HDAC9: variants seen among roughly 807,000 people sequenced by gnomAD.
HDAC9 encodes the protein histone deacetylase 9.
HDAC9 carries 41 observed loss-of-function variants against 139.4 expected under a neutral mutation model. That is an observed-to-expected ratio of 0.29 (90% confidence interval 0.23 to 0.38). The LOEUF is 0.38. Among genes scored for constraint, HDAC9 ranks in the 10% least tolerant of loss-of-function variants. The probability of loss-of-function intolerance (pLI) is 1.00; values close to 1 mark genes in which losing one functional copy is unlikely to be tolerated. For missense variants in HDAC9, 1,147 were observed against 1,297.0 expected, an observed-to-expected ratio of 0.88 and a Z score of 1.78; for synonymous variants, 517 against 476.2, an observed-to-expected ratio of 1.09 and a Z score of -1.12.
intron 2 of HDAC9, among the ~76,000 whole-genome samples, chr7:18,214,858 A>G (rs1792187287): frequency 6.6e-6 from 1 of 152,132 alleles, no homozygotes; most frequent in Non-Finnish European, 1.5e-5. Context: ...GGTTCTGTCC[A>G]CTCAAAGCAA....
chr7:18,915,825 G>T (rs7801662), intron 22 of HDAC9, among the ~76,000 whole-genome samples: 55,358 of 151,306 alleles, frequency 0.37, 10,499 homozygotes, highest in Non-Finnish European at 0.38. Context: ...TCTATTTATG[G>T]TTTTTTTGTT....
intron 21 of HDAC9, among the ~76,000 whole-genome samples, chr7:18,865,859 TATG>T (rs1318470702): frequency 6.6e-6 from 1 of 151,920 alleles, no homozygotes; most frequent in South Asian, 2.1e-4. Context: ...AATTTTATAA[TATG>T]ATGCTTTCAT....
At position 18,152,094 on chromosome 7, in the gene HDAC9, T is replaced by C. The variant is rs550287761; in HGVS notation, c.-96-10135T>C. Among the ~76,000 whole-genome samples the C allele has an allele frequency of 1.5e-4, 21 of 143,564 alleles. No individual in the cohort carries two copies. The South Asian group carries it at 4.9e-3, about 34-fold the overall frequency. The allele number at this position is 143,564 out of a possible 152,430, so 94.2% of individuals were successfully genotyped here. On this transcript the variant is annotated intron_variant, in intron 1 of 12. Coordinates refer to the HDAC9 transcript ENST00000417496. ...CTACTCCTAATTCCTGTAGCACTTG[T>C]GCTGTCCCATTTTTTTTTTTTTAAA... is the stretch of plus-strand genomic sequence containing the variant.
intron 2 of HDAC9, among the ~76,000 whole-genome samples, chr7:18,583,886 A>G (rs1448713454): frequency 1.3e-5 from 2 of 152,190 alleles, no homozygotes; most frequent in African/African-American, 4.8e-5. Context: ...TCTTTTGAAA[A>G]GCCATGCAAT....
chr7:18,786,585 G>C lies in HDAC9; in HGVS notation c.2215-6760G>C, dbSNP rs897289522. Reference sequence around the variant, plus strand: ...CACACCTCTTGGGTATGGCTGGCTGGCTTCCTTCCTTCCTTCCTTCCTTCC... The same window carrying C: ...CACACCTCTTGGGTATGGCTGGCTGCCTTCCTTCCTTCCTTCCTTCCTTCC... On this transcript the variant is annotated intron_variant, in intron 16 of 25. Transcript: ENST00000686413. Among the ~76,000 whole-genome samples, 5 of 53,232 alleles carry C rather than the reference G, an allele frequency of 9.4e-5. 1 individual carries two copies. Among genetic ancestry groups the C allele is most frequent in the Admixed American group, 5.7e-4 (3 of 5,300 alleles). 34.9% of individuals were successfully genotyped at this position (53,232 alleles called of 152,430 possible). A position where few individuals can be genotyped will look rare whatever the true frequency, so the allele number is the denominator to read the frequency against.
chr7:18,891,012 A>G (rs1174528402), intron 22 of HDAC9, among the ~76,000 whole-genome samples: 1 of 152,134 alleles, frequency 6.6e-6, no homozygotes, highest in Non-Finnish European at 1.5e-5. Context: ...GTTTCATAGC[A>G]CGTATTTGTG....
chr7:18,859,724 A>G (rs1266440954), intron 21 of HDAC9, among the ~76,000 whole-genome samples: 2 of 148,446 alleles, frequency 1.3e-5, no homozygotes, highest in South Asian at 2.1e-4. Flanking sequence ...ACTTACAGTA[A>G]TGTTTGACCT....
At chr7:18,169,880 T>C (rs1160736460) in intron 2 of HDAC9, among the ~76,000 whole-genome samples, 2 of 152,230 alleles carry the variant, frequency 1.3e-5, no homozygotes, top group African/African-American at 2.4e-5. Flanking sequence ...TTAGATTGGT[T>C]CCAAGTCTTT....
chr7:18,637,936 T>A (rs550724062), intron 8 of HDAC9, among the ~76,000 whole-genome samples: 46 of 152,202 alleles, frequency 3.0e-4, no homozygotes, highest in African/African-American at 1.1e-3. Flanking sequence ...AAAAAATTTC[T>A]TAGCCATAGT....
At chr7:18,727,370 C>T (rs1785630905) in intron 12 of HDAC9, among the ~76,000 whole-genome samples, 1 of 152,244 alleles carries the variant, frequency 6.6e-6, no homozygotes, top group Non-Finnish European at 1.5e-5. Context: ...GGCAGACAGG[C>T]CCTGGCCGTC....
intron 2 of HDAC9, among the ~76,000 whole-genome samples, chr7:18,206,454 G>A (rs1033334001): frequency 3.3e-5 from 5 of 152,096 alleles, no homozygotes; most frequent in Non-Finnish European, 7.4e-5. Context: ...CCTCAGTGAC[G>A]TAAATAAATC....
chr7:18,645,013 A>G (rs1786919512), intron 9 of HDAC9, among the ~76,000 whole-genome samples: 1 of 152,132 alleles, frequency 6.6e-6, no homozygotes, highest in African/African-American at 2.4e-5. Flanking sequence ...AATAACTAAC[A>G]TTTGTATAAT....
chr7:18,927,215 T>C (rs1804311696), intron 22 of HDAC9, among the ~76,000 whole-genome samples: 5 of 152,210 alleles, frequency 3.3e-5, no homozygotes, highest in Admixed American at 3.3e-4. Flanking sequence ...ACAATGGTTC[T>C]GTGAGTTAAA....
At chr7:18,512,502 TGCTC>T (rs1433870070) in intron 2 of HDAC9, among the ~76,000 whole-genome samples, 5 of 152,324 alleles carry the variant, frequency 3.3e-5, no homozygotes, top group Admixed American at 2.6e-4. Context: ...AGCGATGCTA[TGCTC>T]AGGAATAGGA....
intron 2 of HDAC9, among the ~76,000 whole-genome samples, chr7:18,532,210 A>G (rs984750701): frequency 2.6e-5 from 4 of 152,140 alleles, no homozygotes; most frequent in Non-Finnish European, 4.4e-5. Flanking sequence ...AGATCACACC[A>G]CTGCAGTCCA....
chr7:18,189,362 G>A (rs535833886), intron 2 of HDAC9, among the ~76,000 whole-genome samples: 1 of 152,000 alleles, frequency 6.6e-6, no homozygotes, highest in Non-Finnish European at 1.5e-5. Context: ...GGTGAGGGGA[G>A]GGAATTTAGA....
At chr7:18,477,962 A>G (rs1051721065) in intron 1 of HDAC9, among the ~76,000 whole-genome samples, 4 of 152,144 alleles carry the variant, frequency 2.6e-5, no homozygotes, top group Admixed American at 2.6e-4. Flanking sequence ...CTTGCTTTTC[A>G]CACTAGAAAA....
intron 1 of HDAC9, among the ~76,000 whole-genome samples, chr7:18,146,833 A>G (rs921528919): frequency 1.1e-4 from 16 of 152,298 alleles, no homozygotes; most frequent in African/African-American, 3.8e-4. Flanking sequence ...TTTTCCCAAG[A>G]AGCAGAACAG....
At chr7:18,177,195 A>G (rs1294947363) in intron 2 of HDAC9, among the ~76,000 whole-genome samples, 1 of 152,196 alleles carries the variant, frequency 6.6e-6, no homozygotes, top group African/African-American at 2.4e-5. Flanking sequence ...GGAAAATAAA[A>G]TACGTGAGGA....
Sources: allele counts gnomAD v4.1 joint callset (sites outside exome capture counted in the v4.1 genomes callset), GRCh38; gene constraint gnomAD v4.1.1; transcripts MANE v1.5; gene names NCBI Gene and HGNC (gene_info 2026-07-23, HGNC 2026-07-21).